MACF1: variants seen among roughly 807,000 people sequenced by gnomAD.
MACF1 encodes microtubule actin crosslinking factor 1.
Under a neutral mutation model 854.8 loss-of-function variants are expected in MACF1, and 193 were observed. The observed-to-expected ratio is 0.23, with a 90% CI of 0.20 to 0.25. The LOEUF (loss-of-function observed/expected upper bound fraction) is 0.25. MACF1 is among the 10% of genes least tolerant of loss of function. MACF1 has a pLI of 1.00. For synonymous variants in MACF1, 3,185 were observed against 3,226.7 expected, an observed-to-expected ratio of 0.99 and a Z score of 0.44; for missense variants, 7,722 against 8,929.1, an observed-to-expected ratio of 0.86 and a Z score of 5.45.
At chr1:39,242,230 G>T (rs1036807054) in intron 2 of MACF1, among the ~76,000 whole-genome samples, 1 of 151,560 alleles carries the variant, frequency 6.6e-6, no homozygotes, top group Non-Finnish European at 1.5e-5. Context: ...CATGCCTGTA[G>T]TCCCAGCTAC....
rs1644734920 is a variant in MACF1, at chr1:39,469,472, A to C, written c.21890-75A>C. 4 of 1,132,280 alleles carry C rather than the reference A, an allele frequency of 3.5e-6. No homozygotes were observed. The South Asian group carries it at 4.0e-5, about 11-fold the overall frequency. The allele number at this position is 1,132,280 out of a possible 1,614,324, so 70.1% of individuals were successfully genotyped here. On this transcript the variant is annotated intron_variant, in intron 96 of 100. Coordinates refer to ENST00000564288, the MANE Select transcript of MACF1 (RefSeq NM_001394062.1). The stretch of plus-strand genomic sequence containing the variant: ...ACAGGAGGCTCCCCCACTGTCTGCC[A>C]ATTTGTCTTTCTTGACTAGTTTCTG...
chr1:39,475,289 A>G (rs773193005), intron 97 of MACF1, among the ~76,000 whole-genome samples: 1 of 152,064 alleles, frequency 6.6e-6, no homozygotes, highest in Non-Finnish European at 1.5e-5. Context: ...ACAGATTTTC[A>G]TTTAGAAATT....
At chr1:39,206,277 A>G (rs575173408) in intron 1 of MACF1, among the ~76,000 whole-genome samples, 3 of 152,322 alleles carry the variant, frequency 2.0e-5, no homozygotes, top group African/African-American at 7.2e-5. Context: ...GGTGTTTTTA[A>G]AAAAGCCACC....
At position 39,231,173 on chromosome 1, in the gene MACF1, C is replaced by A; in HGVS notation, c.110-9C>A. 1 of 1,614,000 alleles carries A rather than the reference C, an allele frequency of 6.2e-7. No individual in the cohort carries two copies. The highest frequency in any genetic ancestry group is 8.5e-7 in the Non-Finnish European group (1 of 1,179,854). ...CTAAGCCAGTGCCTTCTCTGTGTTT[C>A]CTTTACAGATGAACGGGACCGGGTT... On this transcript the variant is annotated splice_polypyrimidine_tract_variant and intron_variant, in intron 1 of 100. Transcript: ENST00000564288.
At chr1:39,210,572 A>G (rs1477208823) in intron 1 of MACF1, among the ~76,000 whole-genome samples, 1 of 152,108 alleles carries the variant, frequency 6.6e-6, no homozygotes. Context: ...TTAACTTGGA[A>G]TCAGAAGATC....
intron 43 of MACF1, 71 bp downstream of exon 43, chr1:39,351,089 G>A: frequency 1.8e-6 from 2 of 1,123,100 alleles, no homozygotes; most frequent in East Asian, 2.6e-5. Flanking sequence ...ATAAAAGACA[G>A]TGAGGGGAAA....
intron 31 of MACF1, among the ~76,000 whole-genome samples, chr1:39,320,897 G>A (rs989152684): frequency 6.6e-6 from 1 of 152,164 alleles, no homozygotes; most frequent in Non-Finnish European, 1.5e-5. Context: ...TTGAGCCTGG[G>A]ACATTGAGGC....
At chr1:39,121,071 G>GT (rs1203870864) in intron 2 of MACF1, 1 of 152,188 alleles carries the variant, frequency 6.6e-6, no homozygotes, top group Non-Finnish European at 1.5e-5. Context: ...AAGAATAGAG[G>GT]TTTTTATTTG....
At chr1:39,437,603 C>G in intron 70 of MACF1, 174 bp from the exon 71 acceptor site, 1 of 628,996 alleles carries the variant, frequency 1.6e-6, no homozygotes, top group South Asian at 1.5e-5. Context: ...TGAGCCACCA[C>G]CCCTGGCCCA....
intron 6 of MACF1, among the ~76,000 whole-genome samples, chr1:39,259,700 G>A (rs7551353): frequency 0.031 from 4,715 of 151,544 alleles, 236 homozygotes; most frequent in African/African-American, 0.11. Context: ...TCCGTTCACC[G>A]CAACCTCTGC....
rs1219671020 is a variant in MACF1 at position 39,309,624 on chromosome 1, C to T, written c.2844C>T (p.Asn948=). 13 of 1,614,006 alleles carry T rather than the reference C, an allele frequency of 8.1e-6. No homozygotes were observed. Among genetic ancestry groups the T allele is most frequent in the Non-Finnish European group, 1.0e-5 (12 of 1,179,968 alleles). ...VMALWHQLHV[N]TKSLISWNYL... is the part of the protein sequence containing the mutation. ...CCCTTTGGCATCAGCTGCATGTTAA[C>T]ACCAAAAGCCTTATCTCTTGGAACT... Residue 948 remains asparagine (N), a synonymous_variant, in exon 24 of 101, where the codon AAC becomes AAT. Transcript: ENST00000564288.
At chr1:39,282,063 G>C in intron 6 of MACF1, 145 bp from the exon 7 acceptor site, 1 of 606,306 alleles carries the variant, frequency 1.6e-6, no homozygotes, top group Admixed American at 3.0e-5. Context: ...ACTAGCAAGA[G>C]GGGGAATATA....
In MACF1 at chr1:39,412,702, C is replaced by G. The variant is rs921945900; in HGVS notation, c.15817-9672C>G. 5 of 1,613,862 alleles carry G rather than the reference C, an allele frequency of 3.1e-6. No individual in the cohort carries two copies. The African/African-American group carries it at 6.7e-5, about 22-fold the overall frequency. On this transcript the variant is annotated intron_variant, in intron 58 of 100. Transcript: ENST00000564288. ...ATTCCTAAATATTTTTCCAGAGAAA[C>G]AAGTTACCAAGGCTGGTAATACTGA...
intron 1 of MACF1, among the ~76,000 whole-genome samples, chr1:39,226,873 A>G (rs906415182): frequency 2.6e-5 from 4 of 152,330 alleles, no homozygotes; most frequent in African/African-American, 7.2e-5. Context: ...AAACACTTCT[A>G]TCTTTAGAGT....
chr1:39,118,567 A>T (rs1008160176), intron 2 of MACF1, among the ~76,000 whole-genome samples: 1 of 152,230 alleles, frequency 6.6e-6, no homozygotes, highest in Non-Finnish European at 1.5e-5. Context: ...AGAAAGATAG[A>T]TGGAGCATTA....
At position 39,460,430 on chromosome 1, in the gene MACF1, A is replaced by G. The variant is rs1300546881; in HGVS notation, c.21361-202A>G. Among the ~76,000 whole-genome samples the G allele has an allele frequency of 6.6e-6, 1 of 152,216 alleles. No homozygotes were observed. Among genetic ancestry groups the G allele is most frequent in the East Asian group, 1.9e-4 (1 of 5,198 alleles). ...TTATTGTTTCTCTTGCTATTCCATT[A>G]TACCATAGCTCGTGTAAATAGTCAT... On this transcript the variant is annotated intron_variant, in intron 91 of 100. Transcript: ENST00000564288. This position sits in a 1 kb window ranked among gnomAD's most constrained non-coding sequence, Gnocchi z 4.1.
chr1:39,440,201 C>G (rs4660751), intron 72 of MACF1, among the ~76,000 whole-genome samples: 68 of 147,118 alleles, frequency 4.6e-4, no homozygotes, highest in Non-Finnish European at 1.6e-4. Context: ...CAGCATCCAC[C>G]TCCCGGGCTC....
chr1:39,395,757 C>T (rs898980569), intron 58 of MACF1, among the ~76,000 whole-genome samples: 1 of 151,948 alleles, frequency 6.6e-6, no homozygotes, highest in African/African-American at 2.4e-5. Context: ...ATAATCCTCT[C>T]CACCCCCACC....
intron 2 of MACF1, among the ~76,000 whole-genome samples, chr1:39,092,225 G>A (rs1571027343): frequency 6.6e-6 from 1 of 152,316 alleles, no homozygotes; most frequent in Middle Eastern, 3.4e-3. Context: ...AAGGAAAGAA[G>A]GAAAATGAAG....
Sources: gnomAD v4.1 joint callset for allele counts (sites outside exome capture counted in the v4.1 genomes callset) on GRCh38, gnomAD v4.1.1 for gene constraint, Gnocchi (gnomAD v3.1) non-coding constraint, MANE v1.5 for transcripts, NCBI Gene and HGNC (gene_info 2026-07-23, HGNC 2026-07-21) for gene names.